Variants in KAZN observed in about 807,000 individuals in gnomAD.
KAZN encodes kazrin.
A neutral mutation model predicts 87.4 loss-of-function variants in KAZN; 40 were observed. That is an observed-to-expected ratio of 0.46 (90% CI 0.36 to 0.60). The LOEUF is 0.60. Among genes scored for constraint, KAZN ranks in the 20% least tolerant of loss-of-function variants. The probability of loss-of-function intolerance (pLI) is 0.00; values close to 1 mark genes in which losing one functional copy is unlikely to be tolerated. For synonymous variants in KAZN, 466 were observed against 458.3 expected (o/e 1.02, Z -0.22); for missense variants, 898 against 1,073.9 (o/e 0.84, Z 2.29).
At chr1:14,919,246 G>A (rs532148966) in intron 1 of KAZN, among the ~76,000 whole-genome samples, 7 of 152,170 alleles carry the variant, frequency 4.6e-5, no homozygotes, top group African/African-American at 1.4e-4. Flanking sequence ...GCACGATCTC[G>A]GCTCACTGCA....
At chr1:14,020,986 G>A (rs1042127671) in intron 1 of KAZN, among the ~76,000 whole-genome samples, 8 of 152,150 alleles carry the variant, frequency 5.3e-5, no homozygotes, top group Non-Finnish European at 1.0e-4. Context: ...AGGGAGGGAT[G>A]TTAACTTTAT....
intron 2 of KAZN, among the ~76,000 whole-genome samples, chr1:14,543,403 C>A (rs1041607052): frequency 1.3e-5 from 2 of 152,166 alleles, no homozygotes; most frequent in African/African-American, 4.8e-5. Flanking sequence ...GCCTCCAAAT[C>A]TGTGAACTGT....
At chr1:14,025,649 T>G (rs1641036646) in intron 1 of KAZN, among the ~76,000 whole-genome samples, 1 of 152,214 alleles carries the variant, frequency 6.6e-6, no homozygotes, top group Non-Finnish European at 1.5e-5. Flanking sequence ...TTTTCACACT[T>G]CAGTGCAGTA....
chr1:14,033,025 G>T (rs569112742), intron 1 of KAZN, among the ~76,000 whole-genome samples: 13 of 152,294 alleles, frequency 8.5e-5, no homozygotes, highest in African/African-American at 3.1e-4. Context: ...TCACCTCTGG[G>T]CCTCTGCCCT....
At chr1:14,427,612 G>GTATATA (rs5772580) in intron 2 of KAZN, among the ~76,000 whole-genome samples, 2 of 151,878 alleles carry the variant, frequency 1.3e-5, no homozygotes, top group African/African-American at 2.4e-5. Context: ...CTGTGTGTGT[G>GTATATA]TATATATATG....
At chr1:14,521,561 C>G (rs1671592928) in intron 2 of KAZN, among the ~76,000 whole-genome samples, 1 of 152,174 alleles carries the variant, frequency 6.6e-6, no homozygotes, top group South Asian at 2.1e-4. Context: ...TTAATTGAAC[C>G]TTTTGCATGA....
chr1:14,467,191 G>C (rs1422734992), intron 2 of KAZN, among the ~76,000 whole-genome samples: 1 of 152,124 alleles, frequency 6.6e-6, no homozygotes, highest in Non-Finnish European at 1.5e-5. Flanking sequence ...AGAGGAGGGA[G>C]GGTATTGTGC....
In KAZN at chr1:14,125,138, G is replaced by C. The variant is rs1208400773; in HGVS notation, c.92-55297G>C. On this transcript the variant is annotated intron_variant, in intron 1 of 16. Transcript: ENST00000636203. ...CATCTCAGCACTATTGACATTTGGG[G>C]CTGGATAATCCTCTCTTGTAGAAGG... 2.0e-5 allele frequency among the ~76,000 whole-genome samples: 3 copies of C among 152,256 alleles called. No individual in the cohort carries two copies. In the East Asian group the frequency reaches 5.8e-4, roughly 29 times the overall value.
chr1:14,943,083 T>C (rs1042950619), intron 1 of KAZN, among the ~76,000 whole-genome samples: 1 of 149,874 alleles, frequency 6.7e-6, no homozygotes, highest in Non-Finnish European at 1.5e-5. Flanking sequence ...TTTTTTTTTT[T>C]TTAATTTACA....
At chr1:14,238,591 A>G (rs1470967324) in intron 2 of KAZN, among the ~76,000 whole-genome samples, 1 of 152,264 alleles carries the variant, frequency 6.6e-6, no homozygotes, top group Non-Finnish European at 1.5e-5. Flanking sequence ...GCTATGCTAA[A>G]TTTAGCTCCT....
intron 2 of KAZN, among the ~76,000 whole-genome samples, chr1:14,264,443 G>T (rs1651318478): frequency 2.6e-5 from 4 of 152,176 alleles, no homozygotes; most frequent in African/African-American, 9.7e-5. Context: ...AAGAGGTAAT[G>T]AGTTCATGAA....
intron 1 of KAZN, among the ~76,000 whole-genome samples, chr1:14,000,375 T>C (rs1639729652): frequency 1.3e-5 from 2 of 152,248 alleles, no homozygotes; most frequent in Admixed American, 1.3e-4. Context: ...ATCCCTGGGA[T>C]GGAAGGCTGG....
At chr1:14,093,847 T>C (rs961530388) in intron 1 of KAZN, among the ~76,000 whole-genome samples, 6 of 152,250 alleles carry the variant, frequency 3.9e-5, no homozygotes, top group East Asian at 3.9e-4. Context: ...AGAAATGCGA[T>C]TGGACAAAAA....
chr1:14,266,864 CCAA>C (rs1353793789), intron 2 of KAZN, among the ~76,000 whole-genome samples: 1 of 152,046 alleles, frequency 6.6e-6, no homozygotes, highest in African/African-American at 2.4e-5. Context: ...CTGGTGGGAA[CCAA>C]CTTTTTTTTC....
At chr1:14,119,618 A>G (rs546699788) in intron 1 of KAZN, among the ~76,000 whole-genome samples, 1 of 152,282 alleles carries the variant, frequency 6.6e-6, no homozygotes, top group South Asian at 2.1e-4. Context: ...GGCTAGAGGA[A>G]TTTACTGATT....
At position 15,079,169 on chromosome 1, in the gene KAZN, G is replaced by A. The variant is rs377219434; in HGVS notation, c.1222+13416G>A. Among the ~76,000 whole-genome samples, 10 of 152,274 alleles carry A rather than the reference G, an allele frequency of 6.6e-5. No homozygotes were observed. In the East Asian group the frequency reaches 1.2e-3, roughly 18 times the overall value. Reference sequence around the variant, plus strand: ...CCTGTCCCGGTGTGCAAATAGGCAAGGATTCACCAGGCAGGGTCTCCCAGC... The same window carrying A: ...CCTGTCCCGGTGTGCAAATAGGCAAAGATTCACCAGGCAGGGTCTCCCAGC... On this transcript the variant is annotated intron_variant, in intron 8 of 14. Transcript: ENST00000376030.
At chr1:14,911,137 A>G (rs998320185) in intron 1 of KAZN, among the ~76,000 whole-genome samples, 2 of 152,184 alleles carry the variant, frequency 1.3e-5, no homozygotes, top group Admixed American at 6.5e-5. Context: ...CTGAGGTCCA[A>G]TGCCAAGAAA....
chr1:14,343,616 A>G (rs1657897028), intron 2 of KAZN, among the ~76,000 whole-genome samples: 1 of 152,136 alleles, frequency 6.6e-6, no homozygotes, highest in African/African-American at 2.4e-5. Flanking sequence ...CTCGGCCCTG[A>G]CAACTCTACT....
At position 14,667,754 on chromosome 1, in the gene KAZN, G is replaced by A. The variant is rs575690304; in HGVS notation, c.226+68531G>A. Among the ~76,000 whole-genome samples, 8 of 151,574 alleles carry A rather than the reference G, an allele frequency of 5.3e-5. No individual in the cohort carries two copies. The East Asian group carries it at 7.7e-4, about 15-fold the overall frequency. On this transcript the variant is annotated intron_variant, in intron 1 of 14. Coordinates refer to ENST00000376030, the MANE Select transcript of KAZN (RefSeq NM_201628.3). ...AAACACAGTGTACTGAAGTTGACCC[G>A]GATAACTGCTGGCTGCAATCCAGCT...
Sources: gnomAD v4.1 joint callset for allele counts (sites outside exome capture counted in the v4.1 genomes callset) on GRCh38, gnomAD v4.1.1 for gene constraint, MANE v1.5 for transcripts, NCBI Gene and HGNC (gene_info 2026-07-23, HGNC 2026-07-21) for gene names.